Variants in SH3GL3 observed in about 807,000 individuals in gnomAD.
The protein encoded by SH3GL3 is SH3 domain containing GRB2 like 3, endophilin A3.
A neutral mutation model predicts 47.7 loss-of-function variants in SH3GL3; 33 were observed. The ratio of observed to expected loss-of-function variants is 0.69; its 90% confidence interval spans 0.52 to 0.92. The LOEUF is 0.92. SH3GL3 is among the 40% of genes least tolerant of loss of function. SH3GL3 has a pLI of 0.00. For missense variants in SH3GL3, 363 were observed against 417.8 expected, an observed-to-expected ratio of 0.87 and a Z score of 1.14; for synonymous variants, 155 against 148.8, an observed-to-expected ratio of 1.04 and a Z score of -0.30.
intron 6 of SH3GL3, among the ~76,000 whole-genome samples, chr15:83,578,183 A>G (rs1014358151): frequency 6.6e-6 from 1 of 152,174 alleles, no homozygotes; most frequent in Non-Finnish European, 1.5e-5. Context: ...TGACCAGGCA[A>G]CACGCAGCTG....
intron 1 of SH3GL3, among the ~76,000 whole-genome samples, chr15:83,515,711 A>G (rs2042951306): frequency 6.6e-6 from 1 of 152,248 alleles, no homozygotes. Flanking sequence ...GCTTTAAGAC[A>G]ACTATAAACT....
chr15:83,619,485 G>T (rs991482824), downstream of SH3GL3, among the ~76,000 whole-genome samples: 1 of 152,048 alleles, frequency 6.6e-6, no homozygotes, highest in South Asian at 2.1e-4. Flanking sequence ...CTAGGCGATG[G>T]GTTGGTAGGT....
At chr15:83,597,843 C>T (rs1001673563) in intron 8 of SH3GL3, among the ~76,000 whole-genome samples, 1 of 152,262 alleles carries the variant, frequency 6.6e-6, no homozygotes, top group African/African-American at 2.4e-5. Context: ...CTCCTGACCT[C>T]GTGATCTGCC....
chr15:83,586,858 A>G lies in SH3GL3; in HGVS notation c.625-125A>G, dbSNP rs552501991. 6 of 505,338 alleles carry G rather than the reference A, an allele frequency of 1.2e-5. No homozygotes were observed. The Admixed American group carries it at 2.4e-4, about 20-fold the overall frequency. 31.3% of individuals were successfully genotyped at this position (505,338 alleles called of 1,614,324 possible). A position where few individuals can be genotyped will look rare whatever the true frequency, so the allele number is the denominator to read the frequency against. On this transcript the variant is annotated intron_variant, in intron 6 of 8. Transcript: ENST00000427482. ...ATACAGAGCTCCTACATGAAATTAA[A>G]TGAAATGGACCAAGGCAGACACTGG...
At chr15:83,574,346 A>G (rs1283510871) in intron 5 of SH3GL3, among the ~76,000 whole-genome samples, 1 of 152,046 alleles carries the variant, frequency 6.6e-6, no homozygotes, top group Non-Finnish European at 1.5e-5. Flanking sequence ...CCCGACACTC[A>G]TACCATCCTC....
intron 6 of SH3GL3, among the ~76,000 whole-genome samples, chr15:83,586,636 C>T (rs1040700610): frequency 1.3e-5 from 2 of 152,136 alleles, no homozygotes; most frequent in East Asian, 1.9e-4. Context: ...ATGTTGGCTT[C>T]GTTTGTAACT....
At chr15:83,611,768 A>T (rs2060673052) in intron 8 of SH3GL3, among the ~76,000 whole-genome samples, 1 of 152,144 alleles carries the variant, frequency 6.6e-6, no homozygotes, top group Admixed American at 6.5e-5. Flanking sequence ...GAAACCAAGC[A>T]TTCAGGTCCC....
chr15:83,525,966 C>T (rs2043403103), intron 1 of SH3GL3, among the ~76,000 whole-genome samples: 1 of 152,064 alleles, frequency 6.6e-6, no homozygotes, highest in Non-Finnish European at 1.5e-5. Context: ...ATGCTTCTAG[C>T]TTTGTTATTT....
At chr15:83,622,236 A>G (rs994448880), downstream of SH3GL3, among the ~76,000 whole-genome samples, 1 of 152,218 alleles carries the variant, frequency 6.6e-6, no homozygotes, top group African/African-American at 2.4e-5. Flanking sequence ...ATCAAGTGGC[A>G]GAGCTAGGAT....
intron 1 of SH3GL3, among the ~76,000 whole-genome samples, chr15:83,467,572 C>T (rs183690574): frequency 2.0e-5 from 3 of 152,278 alleles, no homozygotes; most frequent in Non-Finnish European, 4.4e-5. Context: ...AAAAATCTTG[C>T]TGGAGTTTTG....
At chr15:83,493,161 G>A (rs959054023) in intron 1 of SH3GL3, among the ~76,000 whole-genome samples, 3 of 152,138 alleles carry the variant, frequency 2.0e-5, no homozygotes, top group Non-Finnish European at 4.4e-5. Flanking sequence ...ATCTGCTAGA[G>A]ATCCACATTG....
chr15:83,450,381 AAG>A (rs2039680623), intron 1 of SH3GL3, among the ~76,000 whole-genome samples: 1 of 152,210 alleles, frequency 6.6e-6, no homozygotes, highest in South Asian at 2.1e-4. Flanking sequence ...GAGTAAGACA[AAG>A]ATGATAAAGT....
chr15:83,608,041 G>T (rs1192470393), intron 8 of SH3GL3, among the ~76,000 whole-genome samples: 1 of 151,984 alleles, frequency 6.6e-6, no homozygotes, highest in Non-Finnish European at 1.5e-5. Flanking sequence ...GTAAGGTGGG[G>T]GAGGGCAAAA....
chr15:83,539,022 GTGT>G (rs1263059648), intron 1 of SH3GL3, among the ~76,000 whole-genome samples: 2 of 152,116 alleles, frequency 1.3e-5, no homozygotes, highest in East Asian at 1.9e-4. Flanking sequence ...GGAAACACTT[GTGT>G]TGTTGTTGTT....
At chr15:83,523,517 G>A (rs2043292856) in intron 1 of SH3GL3, among the ~76,000 whole-genome samples, 2 of 152,174 alleles carry the variant, frequency 1.3e-5, no homozygotes, top group South Asian at 4.1e-4. Context: ...AAATCCCCAA[G>A]CCTTCCCAGA....
chr15:83,533,085 G>A (rs189412864), intron 1 of SH3GL3, among the ~76,000 whole-genome samples: 3 of 152,308 alleles, frequency 2.0e-5, no homozygotes, highest in African/African-American at 7.2e-5. Context: ...TTATTGAGTG[G>A]CCAGCTAACA....
chr15:83,484,021 T>G (rs1350394673), intron 1 of SH3GL3, among the ~76,000 whole-genome samples: 1 of 152,220 alleles, frequency 6.6e-6, no homozygotes, highest in East Asian at 1.9e-4. Flanking sequence ...ATTGTCATCT[T>G]TCTGTGTTTT....
At chr15:83,629,597 A>C in the SH3GL3 span, among the ~76,000 whole-genome samples, 1 of 152,330 alleles carries the variant, frequency 6.6e-6, no homozygotes, top group Non-Finnish European at 1.5e-5. Context: ...AGGCAGGAGG[A>C]TCACTTCAGG....
chr15:83,520,664 T>C (rs545694971), intron 1 of SH3GL3, among the ~76,000 whole-genome samples: 2 of 152,208 alleles, frequency 1.3e-5, no homozygotes, highest in South Asian at 4.1e-4. Flanking sequence ...GAAGGACAAG[T>C]GTCAGGAGTA....
Sources: gnomAD v4.1 joint callset for allele counts (sites outside exome capture counted in the v4.1 genomes callset) on GRCh38, gnomAD v4.1.1 for gene constraint, MANE v1.5 for transcripts, NCBI Gene and HGNC (gene_info 2026-07-23, HGNC 2026-07-21) for gene names.